The following CRPPA variants were observed in gnomAD, a reference collection of about 807,000 sequenced individuals.
The protein encoded by CRPPA is CDP-L-ribitol pyrophosphorylase A.
CRPPA carries 43 observed loss-of-function variants against 52.0 expected under a neutral mutation model. The observed-to-expected ratio is 0.83, with a 90% confidence interval of 0.65 to 1.07. The LOEUF is 1.07. Ranked by LOEUF, CRPPA falls within the 50% of genes least tolerant of loss-of-function variation. The pLI, the probability that CRPPA is intolerant of heterozygous loss-of-function variation, is 0.00. For synonymous variants in CRPPA, 250 were observed against 203.5 expected (o/e 1.23, Z -1.94); for missense variants, 629 against 551.7 (o/e 1.14, Z -1.40).
At chr7:16,291,161 C>T (rs1016895119) in intron 5 of CRPPA, among the ~76,000 whole-genome samples, 5 of 151,920 alleles carry the variant, frequency 3.3e-5, no homozygotes, top group African/African-American at 1.2e-4. Flanking sequence ...AGAGAGGGAA[C>T]TCTTATACGC....
intron 1 of CRPPA, 89 bp from the exon 2 acceptor site, chr7:16,406,426 T>C: frequency 1.8e-6 from 2 of 1,133,080 alleles, no homozygotes; most frequent in Non-Finnish European, 1.3e-6. Flanking sequence ...TATTGGTATA[T>C]TTAAATAGGG....
intron 1 of CRPPA, among the ~76,000 whole-genome samples, chr7:16,418,342 TC>T (rs1445709484): frequency 6.6e-6 from 1 of 152,224 alleles, no homozygotes; most frequent in Non-Finnish European, 1.5e-5. Context: ...ACTGCTGTTA[TC>T]AGTTAAGTAA....
intron 9 of CRPPA, among the ~76,000 whole-genome samples, chr7:16,185,199 G>A (rs1366423470): frequency 1.3e-5 from 2 of 152,152 alleles, no homozygotes; most frequent in Admixed American, 6.6e-5. Flanking sequence ...AGTGAAAGGC[G>A]TGTCACACAT....
chr7:16,145,977 C>A (rs534975483), intron 9 of CRPPA, among the ~76,000 whole-genome samples: 1 of 152,006 alleles, frequency 6.6e-6, no homozygotes, highest in East Asian at 1.9e-4. Context: ...GTAAAAAGAA[C>A]CTCAAGTAAG....
chr7:16,182,342 G>A (rs1367035400), intron 9 of CRPPA, among the ~76,000 whole-genome samples: 2 of 151,972 alleles, frequency 1.3e-5, no homozygotes, highest in South Asian at 2.1e-4. Flanking sequence ...GGCTGGGGAT[G>A]TTGGTAAATA....
intron 9 of CRPPA, among the ~76,000 whole-genome samples, chr7:16,169,955 GT>G (rs1781144075): frequency 1.3e-5 from 2 of 152,156 alleles, no homozygotes; most frequent in Non-Finnish European, 2.9e-5. Context: ...AATATACTGA[GT>G]TTAGGAAGCT....
chr7:16,221,376 T>G, intron 8 of CRPPA, among the ~76,000 whole-genome samples: 2 of 151,628 alleles, frequency 1.3e-5, no homozygotes, highest in East Asian at 1.9e-4. Flanking sequence ...ATTCAGGACA[T>G]AGGCATGGGC....
chr7:16,383,362 C>T (rs1341743907), intron 2 of CRPPA, among the ~76,000 whole-genome samples: 2 of 152,174 alleles, frequency 1.3e-5, no homozygotes, highest in Non-Finnish European at 2.9e-5. Flanking sequence ...ATTTTTGTCT[C>T]AGAGGAGTAC....
chr7:16,107,262 G>A (rs1782175234), intron 9 of CRPPA, among the ~76,000 whole-genome samples: 1 of 152,068 alleles, frequency 6.6e-6, no homozygotes, highest in Non-Finnish European at 1.5e-5. Flanking sequence ...AACACCCAAG[G>A]ACAGAAAGCA....
chr7:16,399,453 T>C (rs1462876251), intron 2 of CRPPA, among the ~76,000 whole-genome samples: 2 of 151,938 alleles, frequency 1.3e-5, no homozygotes, highest in Non-Finnish European at 1.5e-5. Flanking sequence ...GTCCAACATG[T>C]GACTGATACG....
chr7:16,155,587 C>T (rs568848901), intron 9 of CRPPA, among the ~76,000 whole-genome samples: 50 of 152,232 alleles, frequency 3.3e-4, no homozygotes, highest in African/African-American at 1.1e-3. Context: ...TTGAGGAATA[C>T]GACATATTTT....
At chr7:16,187,975 T>C (rs1781538391) in intron 9 of CRPPA, among the ~76,000 whole-genome samples, 1 of 152,016 alleles carries the variant, frequency 6.6e-6, no homozygotes, top group African/African-American at 2.4e-5. Context: ...TAAGGTGATC[T>C]AGTTTGTGGT....
chr7:16,404,450 A>G (rs886180167), intron 2 of CRPPA, among the ~76,000 whole-genome samples: 4 of 152,164 alleles, frequency 2.6e-5, no homozygotes, highest in Non-Finnish European at 5.9e-5. Flanking sequence ...TAATTGGAGC[A>G]AGATAAAAGA....
intron 3 of CRPPA, among the ~76,000 whole-genome samples, chr7:16,352,879 GCA>G (rs56733439): frequency 0.043 from 6,078 of 142,130 alleles, 172 homozygotes; most frequent in East Asian, 0.17. Flanking sequence ...AAGTAACATG[GCA>G]CACACACACA....
At chr7:16,245,788 T>C (rs191650624) in intron 8 of CRPPA, among the ~76,000 whole-genome samples, 18 of 152,276 alleles carry the variant, frequency 1.2e-4, no homozygotes, top group African/African-American at 4.1e-4. Context: ...CATATAAAAG[T>C]CATATTTACA....
At chr7:16,214,908 G>C (rs1782263376) in intron 9 of CRPPA, among the ~76,000 whole-genome samples, 1 of 152,134 alleles carries the variant, frequency 6.6e-6, no homozygotes, top group African/African-American at 2.4e-5. Flanking sequence ...TGGCTGTCCT[G>C]ACTTCAGTAG....
intron 9 of CRPPA, among the ~76,000 whole-genome samples, chr7:16,207,238 C>G (rs867603665): frequency 6.6e-6 from 1 of 152,140 alleles, no homozygotes; most frequent in Non-Finnish European, 1.5e-5. Flanking sequence ...ACAGATAGCT[C>G]CTGATTTTGG....
In CRPPA at chr7:16,094,124, T is replaced by C. The variant is rs115704354; in HGVS notation, c.1252-2325A>G. Among the ~76,000 whole-genome samples, 741 of 152,306 alleles carry C rather than the reference T, an allele frequency of 4.9e-3. 8 individuals carry two copies. Among genetic ancestry groups the C allele is most frequent in the African/African-American group, 0.017 (720 of 41,574 alleles). ...AGCTCCATAATGTACATATTTTTAGTAAAGAATTTAAGATGTCCTTTTAAA... is the reference window on the plus strand; with the variant it reads ...AGCTCCATAATGTACATATTTTTAGCAAAGAATTTAAGATGTCCTTTTAAA... On this transcript the variant is annotated intron_variant, in intron 9 of 9. Coordinates refer to ENST00000407010, the MANE Select transcript of CRPPA (RefSeq NM_001101426.4).
intron 3 of CRPPA, among the ~76,000 whole-genome samples, chr7:16,342,944 G>A (rs997711322): frequency 7.2e-6 from 1 of 139,526 alleles, no homozygotes; most frequent in South Asian, 2.2e-4. Flanking sequence ...AGGGGCTGAG[G>A]TGTGACAACT....
Sources: allele counts gnomAD v4.1 joint callset (sites outside exome capture counted in the v4.1 genomes callset), GRCh38; gene constraint gnomAD v4.1.1; transcripts MANE v1.5; gene names NCBI Gene and HGNC (gene_info 2026-07-23, HGNC 2026-07-21).